The following ITGB3BP variants were observed in gnomAD, a reference collection of about 807,000 sequenced individuals.
ITGB3BP encodes centromere protein R.
ITGB3BP carries 27 observed loss-of-function variants against 29.1 expected under a neutral mutation model. The observed-to-expected ratio is 0.93, with a 90% confidence interval of 0.68 to 1.28. ITGB3BP has a LOEUF of 1.28. Ranked by LOEUF, ITGB3BP falls within the 50% of genes most tolerant of loss-of-function variation. ITGB3BP has a pLI of 0.00. For synonymous variants in ITGB3BP, 61 were observed against 61.4 expected (o/e 0.99, Z 0.03); for missense variants, 192 against 200.2 (o/e 0.96, Z 0.25).
intron 2 of ITGB3BP, among the ~76,000 whole-genome samples, chr1:63,502,005 T>C (rs1645943165): frequency 6.6e-6 from 1 of 152,268 alleles, no homozygotes; most frequent in Non-Finnish European, 1.5e-5. Context: ...TGGTAAGAAG[T>C]ATGCTCTTCT....
intron 1 of ITGB3BP, 118 bp downstream of exon 1, chr1:63,523,008 AGAG>A (rs1557663304): frequency 8.8e-7 from 1 of 1,139,650 alleles, no homozygotes; most frequent in East Asian, 2.3e-5. Flanking sequence ...GCCTGTGGAC[AGAG>A]GAGACAAGTT....
chr1:63,516,290 A>T lies in ITGB3BP; in HGVS notation c.5+6839T>A, dbSNP rs576335930. ...CTAGCCTGGGTGACAGAGCAAGACC[A>T]TGTCTCAAAAAAAAAAAAAAAAAAA... On this transcript the variant is annotated intron_variant, in intron 1 of 8. Transcript: ENST00000271002. Among the ~76,000 whole-genome samples the T allele has an allele frequency of 6.1e-3, 411 of 67,736 alleles. 2 individuals are homozygous for T. Among genetic ancestry groups the T allele is most frequent in the African/African-American group, 0.023 (359 of 15,870 alleles). The allele number at this position is 67,736 out of a possible 152,430, so 44.4% of individuals were successfully genotyped here. A position where few individuals can be genotyped will look rare whatever the true frequency, so the allele number is the denominator to read the frequency against.
intron 4 of ITGB3BP, among the ~76,000 whole-genome samples, chr1:63,461,123 G>A (rs1180694924): frequency 2.0e-5 from 3 of 151,100 alleles, no homozygotes; most frequent in Admixed American, 6.6e-5. Flanking sequence ...GCATGGTGGC[G>A]GGTGCCTGTA....
At chr1:63,478,699 C>T (rs561153786) in intron 4 of ITGB3BP, 65 bp downstream of exon 4, 1 of 781,682 alleles carries the variant, frequency 1.3e-6, no homozygotes, top group South Asian at 1.7e-5. Flanking sequence ...TAAACGGTCA[C>T]TTTAACAAAT....
intron 4 of ITGB3BP, chr1:63,458,083 A>G (rs868656442): frequency 1.3e-5 from 2 of 152,300 alleles, no homozygotes; most frequent in South Asian, 4.1e-4. Flanking sequence ...CCTCAAAGAA[A>G]AAGTCTTTAT....
At chr1:63,509,488 G>A (rs1022251861) in intron 1 of ITGB3BP, among the ~76,000 whole-genome samples, 1 of 152,114 alleles carries the variant, frequency 6.6e-6, no homozygotes, top group Non-Finnish European at 1.5e-5. Context: ...TTATATTACA[G>A]AAATCCCCCA....
chr1:63,442,743 A>G (rs1156740986), intron 8 of ITGB3BP: 4 of 152,230 alleles, frequency 2.6e-5, no homozygotes, highest in Non-Finnish European at 5.9e-5. Context: ...GTTATTGGCC[A>G]GAACTTAGAA....
intron 4 of ITGB3BP, among the ~76,000 whole-genome samples, chr1:63,468,411 C>T (rs1176164180): frequency 1.3e-5 from 2 of 152,156 alleles, no homozygotes; most frequent in Non-Finnish European, 2.9e-5. Context: ...ACCATAGTGT[C>T]AGTTACTCTA....
intron 4 of ITGB3BP, among the ~76,000 whole-genome samples, chr1:63,461,603 C>T (rs1332779354): frequency 6.6e-6 from 1 of 152,042 alleles, no homozygotes; most frequent in Non-Finnish European, 1.5e-5. Context: ...GGTTTTAGCC[C>T]TTATATTTAG....
intron 4 of ITGB3BP, among the ~76,000 whole-genome samples, chr1:63,455,731 T>C (rs1244767393): frequency 6.6e-6 from 1 of 152,178 alleles, no homozygotes; most frequent in African/African-American, 2.4e-5. Context: ...TTGTTAAAAT[T>C]TTAGTTGCTT....
chr1:63,524,925 A>C (rs1436561486), upstream of ITGB3BP, among the ~76,000 whole-genome samples: 1 of 152,224 alleles, frequency 6.6e-6, no homozygotes, highest in Non-Finnish European at 1.5e-5. Context: ...AAAGGAACAC[A>C]GTAAAACTAT....
upstream of ITGB3BP, chr1:63,523,689 A>C (rs1168419917): frequency 6.0e-6 from 1 of 165,752 alleles, no homozygotes; most frequent in Non-Finnish European, 1.3e-5. Flanking sequence ...CTCTCTGTGC[A>C]GCTGCTTCTC....
intron 1 of ITGB3BP, among the ~76,000 whole-genome samples, chr1:63,518,589 CTTT>C (rs1259141891): frequency 7.2e-6 from 1 of 139,752 alleles, no homozygotes; most frequent in African/African-American, 2.6e-5. Flanking sequence ...TCTTTTCTTT[CTTT>C]TTTTTTTTTA....
At chr1:63,498,152 A>G (rs1645836880) in intron 2 of ITGB3BP, among the ~76,000 whole-genome samples, 1 of 152,168 alleles carries the variant, frequency 6.6e-6, no homozygotes, top group African/African-American at 2.4e-5. Flanking sequence ...TAGAAAACCT[A>G]GATAGAAAAT....
chr1:63,448,152 G>A (rs1437353173), intron 7 of ITGB3BP, among the ~76,000 whole-genome samples: 6 of 133,116 alleles, frequency 4.5e-5, no homozygotes, highest in African/African-American at 1.7e-4. Flanking sequence ...ACACAGGAAG[G>A]GGAACATCAC....
intron 2 of ITGB3BP, among the ~76,000 whole-genome samples, 197 bp from the exon 3 acceptor site, chr1:63,490,415 T>C (rs1342473133): frequency 6.6e-6 from 1 of 152,192 alleles, no homozygotes; most frequent in African/African-American, 2.4e-5. Flanking sequence ...CTATAATAAC[T>C]AGAACATCTC....
chr1:63,445,059 C>T (rs1421329903), intron 8 of ITGB3BP, among the ~76,000 whole-genome samples: 2 of 152,004 alleles, frequency 1.3e-5, no homozygotes, highest in Non-Finnish European at 2.9e-5. Flanking sequence ...CCGAGGCAGG[C>T]AGATCACTTG....
At chr1:63,521,259 TAAAA>T (rs11451867) in intron 1 of ITGB3BP, among the ~76,000 whole-genome samples, 4 of 130,068 alleles carry the variant, frequency 3.1e-5, no homozygotes, top group Admixed American at 8.4e-5. Context: ...GTAACCACAT[TAAAA>T]AAAAAAAAAA....
intron 4 of ITGB3BP, among the ~76,000 whole-genome samples, chr1:63,462,972 G>A (rs1301517752): frequency 6.6e-6 from 1 of 152,120 alleles, no homozygotes; most frequent in Non-Finnish European, 1.5e-5. Flanking sequence ...ATAAGTCCTA[G>A]GCTGGGCACA....
Sources: gnomAD v4.1 joint callset for allele counts (sites outside exome capture counted in the v4.1 genomes callset) on GRCh38, gnomAD v4.1.1 for gene constraint, MANE v1.5 for transcripts, NCBI Gene and HGNC (gene_info 2026-07-23, HGNC 2026-07-21) for gene names.